PRKG1: variants seen among roughly 807,000 people sequenced by gnomAD.
PRKG1 encodes the protein cGMP-dependent protein kinase 1.
Under a neutral mutation model 88.1 loss-of-function variants are expected in PRKG1, and 35 were observed. The observed-to-expected ratio is 0.40, with a 90% CI of 0.30 to 0.53. The LOEUF is 0.53. PRKG1 is among the 20% of genes least tolerant of loss of function. PRKG1 has a pLI of 0.59. For synonymous variants in PRKG1, 303 were observed against 292.5 expected (o/e 1.04, Z -0.37); for missense variants, 540 against 839.8 (o/e 0.64, Z 4.41).
rs748214695 is a variant in PRKG1 at position 51,138,687 on chromosome 10, T to TTG, written c.312-14476_312-14475insGT. 4.6e-3 allele frequency among the ~76,000 whole-genome samples: 603 copies of TTG among 131,810 alleles called. 14 individuals carry two copies. In the East Asian group the frequency reaches 0.05, roughly 11 times the overall value. The allele number at this position is 131,810 out of a possible 152,430, so 86.5% of individuals were successfully genotyped here. A position where few individuals can be genotyped will look rare whatever the true frequency, so the allele number is the denominator to read the frequency against. On this transcript the variant is annotated intron_variant, in intron 1 of 17. Transcript: ENST00000373980. Reference sequence around the variant, plus strand: ...GACATTGAGTTTTGTTTTTTTTTTTTTTTTTTTTTTTTTTGAGACAGAGTC... The same window carrying TTG: ...GACATTGAGTTTTGTTTTTTTTTTTTTGTTTTTTTTTTTTTTGAGACAGAGTC...
intron 7 of PRKG1, among the ~76,000 whole-genome samples, chr10:52,102,359 G>A (rs148495579): frequency 3.0e-3 from 451 of 152,092 alleles, no homozygotes; most frequent in South Asian, 7.9e-3. Flanking sequence ...CATATGCTGT[G>A]GAAAGAATTG....
chr10:51,849,090 T>C (rs573748533), intron 4 of PRKG1, among the ~76,000 whole-genome samples: 3 of 152,182 alleles, frequency 2.0e-5, no homozygotes, highest in South Asian at 2.1e-4. Context: ...TCTAAAAATA[T>C]CTATTTTCTG....
At chr10:51,776,640 C>T (rs530065815) in intron 3 of PRKG1, among the ~76,000 whole-genome samples, 16 of 152,214 alleles carry the variant, frequency 1.1e-4, no homozygotes, top group Non-Finnish European at 1.5e-4. Context: ...GCCTGGCCAA[C>T]GTGGTGAAAC....
intron 3 of PRKG1, among the ~76,000 whole-genome samples, chr10:51,783,857 A>G (rs1838659694): frequency 6.6e-6 from 1 of 152,168 alleles, no homozygotes; most frequent in African/African-American, 2.4e-5. Context: ...GAGACAGTTT[A>G]TAAATGTATA....
At position 52,244,769 on chromosome 10, in the gene PRKG1, A is replaced by G. The variant is rs1224578098; in HGVS notation, c.1077-6801A>G. On this transcript the variant is annotated intron_variant, in intron 9 of 17. Coordinates refer to ENST00000373980, the MANE Select transcript of PRKG1 (RefSeq NM_006258.4). ...TTAAATATATATTAAGATATATTTAAATATATACCTTAATATATATTTAAA... is the reference window on the plus strand; with the variant it reads ...TTAAATATATATTAAGATATATTTAGATATATACCTTAATATATATTTAAA... Among the ~76,000 whole-genome samples, 7 of 142,646 alleles carry G rather than the reference A, an allele frequency of 4.9e-5. 1 individual carries two copies. The highest frequency in any genetic ancestry group is 9.2e-5 in the Non-Finnish European group (6 of 65,420). 93.6% of individuals were successfully genotyped at this position (142,646 alleles called of 152,430 possible).
intron 2 of PRKG1, among the ~76,000 whole-genome samples, chr10:51,269,403 G>A (rs1839919494): frequency 1.3e-5 from 2 of 151,976 alleles, no homozygotes; most frequent in South Asian, 4.1e-4. Flanking sequence ...TATAAAAAAG[G>A]CACATGCACA....
At chr10:51,701,793 G>A (rs1346213049) in intron 3 of PRKG1, among the ~76,000 whole-genome samples, 1 of 152,176 alleles carries the variant, frequency 6.6e-6, no homozygotes, top group East Asian at 1.9e-4. Context: ...ATTCGTAGAA[G>A]ATTGCACATC....
At chr10:51,183,939 T>C (rs1412492660) in intron 2 of PRKG1, among the ~76,000 whole-genome samples, 1 of 152,188 alleles carries the variant, frequency 6.6e-6, no homozygotes, top group African/African-American at 2.4e-5. Context: ...GTCTTAGCAG[T>C]CTTCACTGAG....
At chr10:51,965,145 GT>G (rs1843537213) in intron 5 of PRKG1, among the ~76,000 whole-genome samples, 1 of 152,112 alleles carries the variant, frequency 6.6e-6, no homozygotes, top group Non-Finnish European at 1.5e-5. Flanking sequence ...AGGTAAACTT[GT>G]CTCTTTGTTT....
At chr10:51,477,618 G>T (rs1430568053) in intron 3 of PRKG1, among the ~76,000 whole-genome samples, 1 of 151,938 alleles carries the variant, frequency 6.6e-6, no homozygotes, top group Non-Finnish European at 1.5e-5. Context: ...CCTGTGATGT[G>T]CTTAGTGCGG....
chr10:52,176,173 C>CTT (rs140722137), intron 9 of PRKG1, among the ~76,000 whole-genome samples: 1,699 of 95,678 alleles, frequency 0.018, 17 homozygotes, highest in East Asian at 0.025. Context: ...TTCTTTTTCT[C>CTT]TTTTTTTTTT....
At chr10:51,053,209 G>T (rs1049625767) in intron 1 of PRKG1, among the ~76,000 whole-genome samples, 1 of 151,446 alleles carries the variant, frequency 6.6e-6, no homozygotes, top group South Asian at 2.1e-4. Flanking sequence ...CAGTCTGGGC[G>T]ATAGCGCAAG....
At chr10:51,729,763 C>T (rs1423196494) in intron 3 of PRKG1, among the ~76,000 whole-genome samples, 1 of 148,888 alleles carries the variant, frequency 6.7e-6, no homozygotes, top group Non-Finnish European at 1.5e-5. Context: ...AGCCATAGGC[C>T]GTGGTAATTC....
chr10:52,244,541 C>T (rs1840954434), intron 9 of PRKG1, among the ~76,000 whole-genome samples: 1 of 151,162 alleles, frequency 6.6e-6, no homozygotes, highest in African/African-American at 2.4e-5. Flanking sequence ...TGCAATGAGG[C>T]AACAGTCCCT....
At chr10:51,384,835 A>C (rs1837210347) in intron 2 of PRKG1, among the ~76,000 whole-genome samples, 1 of 152,196 alleles carries the variant, frequency 6.6e-6, no homozygotes, top group South Asian at 2.1e-4. Context: ...CCAACTACAC[A>C]TGAAATAGCT....
At chr10:51,998,014 TA>T (rs562736980) in intron 5 of PRKG1, among the ~76,000 whole-genome samples, 98 of 152,326 alleles carry the variant, frequency 6.4e-4, no homozygotes, top group African/African-American at 2.3e-3. Context: ...ATAAAAACAT[TA>T]TTTTTTATTC....
At chr10:51,077,784 T>G (rs921086361) in intron 1 of PRKG1, among the ~76,000 whole-genome samples, 3 of 152,182 alleles carry the variant, frequency 2.0e-5, no homozygotes, top group African/African-American at 7.2e-5. Flanking sequence ...AGAACTGATG[T>G]AGCAAATTGG....
chr10:51,374,431 T>TA (rs1318835367), intron 2 of PRKG1, among the ~76,000 whole-genome samples: 7 of 152,118 alleles, frequency 4.6e-5, no homozygotes, highest in Non-Finnish European at 8.8e-5. Flanking sequence ...CATCCTTTTT[T>TA]ATGGCTGCAG....
intron 7 of PRKG1, among the ~76,000 whole-genome samples, chr10:52,117,800 G>A (rs1236826713): frequency 6.6e-6 from 1 of 151,684 alleles, no homozygotes; most frequent in Non-Finnish European, 1.5e-5. Flanking sequence ...CATGCATTTT[G>A]TGTGTGTGTG....
Sources: allele counts gnomAD v4.1 joint callset (sites outside exome capture counted in the v4.1 genomes callset), GRCh38; gene constraint gnomAD v4.1.1; transcripts MANE v1.5; gene names NCBI Gene and HGNC (gene_info 2026-07-23, HGNC 2026-07-21).